DLC1: variants seen among roughly 807,000 people sequenced by gnomAD.
DLC1 encodes the protein DLC1 Rho GTPase activating protein, also known as rho GTPase-activating protein 7.
A neutral mutation model predicts 140.3 loss-of-function variants in DLC1; 54 were observed. That is an observed-to-expected ratio of 0.38 (90% CI 0.31 to 0.48). The LOEUF (loss-of-function observed/expected upper bound fraction) is 0.48. DLC1 is among the 20% of genes least tolerant of loss of function. The pLI is 0.96. For synonymous variants in DLC1, 986 were observed against 728.1 expected, an observed-to-expected ratio of 1.35 and a Z score of -5.70; for missense variants, 2,536 against 1,907.0, an observed-to-expected ratio of 1.33 and a Z score of -6.14.
At chr8:13,216,609 G>A (rs1828211505) in intron 5 of DLC1, among the ~76,000 whole-genome samples, 2 of 152,052 alleles carry the variant, frequency 1.3e-5, no homozygotes, top group South Asian at 4.2e-4. Flanking sequence ...TCCCCTGAGA[G>A]CTCCAGCATG....
intron 1 of DLC1, among the ~76,000 whole-genome samples, chr8:13,571,225 T>G (rs1396856929): frequency 6.6e-6 from 1 of 152,172 alleles, no homozygotes; most frequent in Non-Finnish European, 1.5e-5. Flanking sequence ...AAAATCTACA[T>G]AACAGAAATT....
intron 7 of DLC1, among the ~76,000 whole-genome samples, chr8:13,109,820 G>T (rs573835210): frequency 6.6e-6 from 1 of 151,958 alleles, no homozygotes; most frequent in African/African-American, 2.4e-5. Context: ...GGGAGGCGGA[G>T]GTTGCAGTGA....
intron 5 of DLC1, among the ~76,000 whole-genome samples, chr8:13,170,995 C>T (rs565086695): frequency 3.3e-4 from 51 of 152,274 alleles, no homozygotes; most frequent in African/African-American, 1.2e-3. Context: ...GATTTAAGAA[C>T]TATAACTCAT....
chr8:13,426,552 C>CTGTG (rs1405453975), intron 2 of DLC1, among the ~76,000 whole-genome samples: 1 of 152,166 alleles, frequency 6.6e-6, no homozygotes, highest in Non-Finnish European at 1.5e-5. Context: ...CTTTCTCACC[C>CTGTG]TGTGCCATCT....
chr8:13,101,458 G>C (rs1182904944), intron 8 of DLC1, among the ~76,000 whole-genome samples: 1 of 152,166 alleles, frequency 6.6e-6, no homozygotes, highest in African/African-American at 2.4e-5. Flanking sequence ...TCTTTTGTTG[G>C]TGTATGTTTA....
At chr8:13,572,419 T>G (rs1804694096) in intron 1 of DLC1, among the ~76,000 whole-genome samples, 1 of 152,168 alleles carries the variant, frequency 6.6e-6, no homozygotes. Context: ...TGCAAGTATT[T>G]TCTCTTGTTC....
intron 5 of DLC1, chr8:13,276,380 G>A (rs954834710): frequency 9.9e-6 from 15 of 1,515,878 alleles, no homozygotes; most frequent in Non-Finnish European, 1.2e-5. Flanking sequence ...GCGCCATCAC[G>A]TGGGCCTTGG....
chr8:13,493,087 T>C (rs1801337803), intron 2 of DLC1, among the ~76,000 whole-genome samples: 1 of 152,220 alleles, frequency 6.6e-6, no homozygotes, highest in East Asian at 1.9e-4. Context: ...TAAGTTTCAT[T>C]GCCAGCTCCA....
chr8:13,161,287 A>G (rs1436476141), intron 5 of DLC1, among the ~76,000 whole-genome samples: 1 of 152,180 alleles, frequency 6.6e-6, no homozygotes, highest in Non-Finnish European at 1.5e-5. Flanking sequence ...TAAGAGCAGC[A>G]CTGAATGCAG....
At chr8:13,539,183 G>GTA (rs5889451) in intron 1 of DLC1, among the ~76,000 whole-genome samples, 25,572 of 151,832 alleles carry the variant, frequency 0.17, 2,276 homozygotes, top group East Asian at 0.21. Context: ...TTGTATGTAT[G>GTA]TGTGTATGTA....
chr8:13,141,037 G>A (rs957051176), intron 5 of DLC1, among the ~76,000 whole-genome samples: 16 of 151,216 alleles, frequency 1.1e-4, no homozygotes, highest in Admixed American at 2.6e-4. Flanking sequence ...TGTGGATCAC[G>A]TGGGGTCGGG....
chr8:13,426,780 T>C (rs191729005), intron 2 of DLC1, among the ~76,000 whole-genome samples: 4 of 136,174 alleles, frequency 2.9e-5, no homozygotes, highest in African/African-American at 1.0e-4. Flanking sequence ...CTCGTTCTTA[T>C]ATATATATTT....
At chr8:13,540,048 G>A (rs1047071110) in intron 1 of DLC1, among the ~76,000 whole-genome samples, 6 of 152,138 alleles carry the variant, frequency 3.9e-5, no homozygotes, top group African/African-American at 1.4e-4. Context: ...GAAATAAATA[G>A]AGCTTTACAA....
chr8:13,586,015 A>G (rs1039544308), intron 1 of DLC1, among the ~76,000 whole-genome samples: 2 of 152,190 alleles, frequency 1.3e-5, no homozygotes, highest in African/African-American at 4.8e-5. Context: ...AGCTGAAAAT[A>G]GACATTCAAG....
At chr8:13,567,312 TC>T (rs1396799740) in intron 1 of DLC1, 1 of 1,551,470 alleles carries the variant, frequency 6.4e-7, no homozygotes, top group Non-Finnish European at 8.7e-7. Flanking sequence ...ACACCAAACT[TC>T]CAACAGAAAT....
chr8:13,511,509 G>T (rs1802364332), intron 1 of DLC1, among the ~76,000 whole-genome samples: 1 of 152,110 alleles, frequency 6.6e-6, no homozygotes, highest in Non-Finnish European at 1.5e-5. Flanking sequence ...ACTATCAGTT[G>T]AAAGCCAAAA....
intron 1 of DLC1, among the ~76,000 whole-genome samples, chr8:13,585,512 G>T (rs895372589): frequency 3.3e-5 from 5 of 152,168 alleles, no homozygotes; most frequent in African/African-American, 7.2e-5. Flanking sequence ...ATTTGTAAAG[G>T]TGCATTAGTT....
At chr8:13,378,675 CTTTT>C (rs1442119067) in intron 4 of DLC1, among the ~76,000 whole-genome samples, 1 of 151,948 alleles carries the variant, frequency 6.6e-6, no homozygotes, top group Non-Finnish European at 1.5e-5. Flanking sequence ...GTTACATGTT[CTTTT>C]GTTTGTAACA....
intron 5 of DLC1, among the ~76,000 whole-genome samples, chr8:13,170,772 C>G (rs1049960988): frequency 1.3e-5 from 2 of 150,150 alleles, no homozygotes; most frequent in Admixed American, 1.3e-4. Flanking sequence ...ATGTGTGTTG[C>G]AGAAAATGTG....
Sources: gnomAD v4.1 joint callset for allele counts (sites outside exome capture counted in the v4.1 genomes callset) on GRCh38, gnomAD v4.1.1 for gene constraint, MANE v1.5 for transcripts, NCBI Gene and HGNC (gene_info 2026-07-23, HGNC 2026-07-21) for gene names.